PCBP3: variants seen among roughly 807,000 people sequenced by gnomAD.
PCBP3 encodes poly(rC)-binding protein 3.
A neutral mutation model predicts 52.7 loss-of-function variants in PCBP3; 25 were observed. The observed-to-expected ratio is 0.47, with a 90% CI of 0.35 to 0.66. The LOEUF is 0.66. PCBP3 is among the 30% of genes least tolerant of loss of function. The pLI is 0.01. For synonymous variants in PCBP3, 162 were observed against 183.0 expected, an observed-to-expected ratio of 0.89 and a Z score of 0.93; for missense variants, 391 against 490.3, an observed-to-expected ratio of 0.80 and a Z score of 1.91.
chr21:45,646,125 G>C (rs1402306371), intron 1 of PCBP3, among the ~76,000 whole-genome samples: 5 of 141,136 alleles, frequency 3.5e-5, no homozygotes, highest in African/African-American at 5.3e-5. Context: ...GTGTGTGTGT[G>C]TGTGTGTGTG....
At chr21:45,764,365 A>G (rs912309198) in intron 4 of PCBP3, among the ~76,000 whole-genome samples, 1 of 151,736 alleles carries the variant, frequency 6.6e-6, no homozygotes, top group African/African-American at 2.4e-5. Flanking sequence ...CAGGCAGTCT[A>G]CCCGCCTCCG....
rs1012121427 is a variant in PCBP3 at position 45,769,237 on chromosome 21, A to C, written c.-126+13785A>C. Among the ~76,000 whole-genome samples, 4 of 152,346 alleles carry C rather than the reference A, an allele frequency of 2.6e-5. No homozygotes were observed. The South Asian group carries it at 8.3e-4, about 32-fold the overall frequency. On this transcript the variant is annotated intron_variant, in intron 4 of 17. Coordinates refer to ENST00000681687, the MANE Select transcript of PCBP3 (RefSeq NM_001384156.1). ...GCATGAGATGGGTGGGTTTTCCCAC[A>C]GTGCTCTCCCATGGTTATTCTGTTA...
At chr21:45,902,072 G>A (rs949662305) in intron 9 of PCBP3, among the ~76,000 whole-genome samples, 1 of 152,190 alleles carries the variant, frequency 6.6e-6, no homozygotes, top group African/African-American at 2.4e-5. Context: ...GAGAGAAGAG[G>A]AGAGATGTGC....
intron 4 of PCBP3, among the ~76,000 whole-genome samples, chr21:45,773,696 G>T (rs2090046880): frequency 6.6e-6 from 1 of 151,912 alleles, no homozygotes; most frequent in Admixed American, 6.6e-5. Flanking sequence ...TGTTCTTTTT[G>T]CTCAGGATTG....
rs527258684 is a variant in PCBP3, at chr21:45,704,031, G to C, written c.-199-31361G>C. Among the ~76,000 whole-genome samples the C allele has an allele frequency of 3.3e-5, 5 of 152,318 alleles. No individual in the cohort carries two copies. In the East Asian group the frequency reaches 9.7e-4, roughly 29 times the overall value. On this transcript the variant is annotated intron_variant, in intron 2 of 17. Transcript: ENST00000681687. The surrounding 1 kb of genome is among the most constrained non-coding windows in gnomAD (Gnocchi z 4.1). ...TTGATGGATGAAATTACCAAGTAGG[G>C]AGTACAAGGAGAGACGAGGATCCAG...
chr21:45,646,053 T>TTCTCTCTCTCTCTCTCTC (rs10682556), intron 1 of PCBP3, among the ~76,000 whole-genome samples: 1 of 71,452 alleles, frequency 1.4e-5, no homozygotes, highest in African/African-American at 4.7e-5. Flanking sequence ...TGTCACCTGT[T>TTCTCTCTCTCTCTCTCTC]TCTCTCTCTC....
Position 45,802,036 on chromosome 21 carries a change from C to G in PCBP3, c.-126+46584C>G, listed in dbSNP as rs758492834. On this transcript the variant is annotated intron_variant, in intron 4 of 17. Coordinates refer to ENST00000681687, the MANE Select transcript of PCBP3 (RefSeq NM_001384156.1). This position sits in a 1 kb window ranked among gnomAD's most constrained non-coding sequence, Gnocchi z 5.1. ...TCTGTGGCTCTCGGGGTCTCCCCTC[C>G]TCTTCCTTGAGGGCATCGTCATGAT... 9.2e-5 allele frequency among the ~76,000 whole-genome samples: 14 copies of G among 152,214 alleles called. No homozygotes were observed. Among genetic ancestry groups the G allele is most frequent in the Non-Finnish European group, 1.8e-4 (12 of 68,042 alleles).
chr21:45,784,802 G>A (rs981538100), intron 4 of PCBP3, among the ~76,000 whole-genome samples: 6 of 152,262 alleles, frequency 3.9e-5, no homozygotes, highest in Non-Finnish European at 8.8e-5. Flanking sequence ...GCGTGATCTC[G>A]GCTCGCTACA....
chr21:45,774,771 C>T (rs1171563543), intron 4 of PCBP3, among the ~76,000 whole-genome samples: 1 of 152,040 alleles, frequency 6.6e-6, no homozygotes, highest in Non-Finnish European at 1.5e-5. Flanking sequence ...ATTGAGATGG[C>T]CATATGGTTT....
At chr21:45,919,674 A>G (rs2074119986) in intron 13 of PCBP3, among the ~76,000 whole-genome samples, 1 of 152,196 alleles carries the variant, frequency 6.6e-6, no homozygotes, top group Admixed American at 6.5e-5. Context: ...TAGCTACATC[A>G]AGGACATCTC....
rs1289193573 is a variant in PCBP3 at position 45,704,067 on chromosome 21, GGCCCTCT to G, written c.-199-31323_-199-31317del. On this transcript the variant is annotated intron_variant, in intron 2 of 17. Coordinates refer to ENST00000681687, the MANE Select transcript of PCBP3 (RefSeq NM_001384156.1). This position sits in a 1 kb window ranked among gnomAD's most constrained non-coding sequence, Gnocchi z 4.1. ...GAGACGAGGATCCAGGATGGAGGCTGGCCCTCTGGCTGATGTCAAGAGGTCAGAAGGG... is the reference window on the plus strand; with the variant it reads ...GAGACGAGGATCCAGGATGGAGGCTGGGCTGATGTCAAGAGGTCAGAAGGG... Among the ~76,000 whole-genome samples the G allele has an allele frequency of 6.6e-6, 1 of 152,148 alleles. No homozygotes were observed. Among genetic ancestry groups the G allele is most frequent in the Non-Finnish European group, 1.5e-5 (1 of 68,038 alleles).
At chr21:45,786,065 C>A (rs1169476811) in intron 4 of PCBP3, among the ~76,000 whole-genome samples, 1 of 149,852 alleles carries the variant, frequency 6.7e-6, no homozygotes, top group African/African-American at 2.5e-5. Flanking sequence ...GCTGACCTTC[C>A]CTCCACTATT....
chr21:45,809,162 C>T (rs2092605016), intron 4 of PCBP3, among the ~76,000 whole-genome samples: 1 of 152,178 alleles, frequency 6.6e-6, no homozygotes, highest in Admixed American at 6.5e-5. Context: ...ATGTTCTGCA[C>T]TTGTGTCCCA....
At chr21:45,834,438 G>A (rs1296859269) in intron 4 of PCBP3, among the ~76,000 whole-genome samples, 3 of 152,204 alleles carry the variant, frequency 2.0e-5, no homozygotes, top group African/African-American at 7.2e-5. Context: ...GACTGTCTAG[G>A]GGTGGCGTCC....
chr21:45,780,230 T>A (rs895038369), intron 4 of PCBP3, among the ~76,000 whole-genome samples: 1 of 152,264 alleles, frequency 6.6e-6, no homozygotes, highest in African/African-American at 2.4e-5. Flanking sequence ...GTTATGACTT[T>A]CAAAGCATTC....
intron 2 of PCBP3, among the ~76,000 whole-genome samples, chr21:45,712,297 G>A (rs764231580): frequency 6.6e-5 from 10 of 152,218 alleles, no homozygotes; most frequent in Non-Finnish European, 1.0e-4. Flanking sequence ...TATTGTAAAA[G>A]TATGTGTAAT....
At chr21:45,779,099 T>C (rs1299014550) in intron 4 of PCBP3, among the ~76,000 whole-genome samples, 1 of 152,214 alleles carries the variant, frequency 6.6e-6, no homozygotes, top group African/African-American at 2.4e-5. Context: ...CAGCCTGAGT[T>C]TCCATAATGC....
intron 3 of PCBP3, among the ~76,000 whole-genome samples, chr21:45,739,755 A>G (rs2086278007): frequency 7.0e-6 from 1 of 142,452 alleles, no homozygotes; most frequent in Non-Finnish European, 1.5e-5. Flanking sequence ...CCCCATCTTC[A>G]TCAGCCCACC....
intron 2 of PCBP3, among the ~76,000 whole-genome samples, chr21:45,671,144 A>G (rs1031079967): frequency 2.6e-5 from 4 of 152,180 alleles, no homozygotes; most frequent in Admixed American, 2.6e-4. Context: ...TGTGGTTGAC[A>G]GTTGCTTCCC....
Sources: allele counts gnomAD v4.1 joint callset (sites outside exome capture counted in the v4.1 genomes callset), GRCh38; gene constraint gnomAD v4.1.1; non-coding constraint Gnocchi (gnomAD v3.1); transcripts MANE v1.5; gene names NCBI Gene and HGNC (gene_info 2026-07-23, HGNC 2026-07-21).